MIB1: variants seen among roughly 807,000 people sequenced by gnomAD.
MIB1 encodes the protein E3 ubiquitin-protein ligase MIB1.
Under a neutral mutation model 124.5 loss-of-function variants are expected in MIB1, and 278 were observed. The observed-to-expected ratio is 2.23, with a 90% CI of 2.02 to 2.47. MIB1 has a LOEUF of 2.47. Ranked by LOEUF, MIB1 falls within the 30% of genes most tolerant of loss-of-function variation. The probability of loss-of-function intolerance (pLI) is 0.00; values close to 1 mark genes in which losing one functional copy is unlikely to be tolerated. For missense variants in MIB1, 957 were observed against 1,254.4 expected (o/e 0.76, Z 3.58); for synonymous variants, 446 against 429.4 (o/e 1.04, Z -0.48).
At chr18:21,716,574 G>T (rs1248812859) in intron 1 of MIB1, among the ~76,000 whole-genome samples, 1 of 152,190 alleles carries the variant, frequency 6.6e-6, no homozygotes, top group Admixed American at 6.5e-5. Context: ...CACTTAGGCT[G>T]GGCACGGTGG....
chr18:21,789,221 TC>T (rs1192275711), intron 6 of MIB1, among the ~76,000 whole-genome samples: 1 of 152,032 alleles, frequency 6.6e-6, no homozygotes, highest in Non-Finnish European at 1.5e-5. Context: ...CAATCTTTGT[TC>T]CTTGGCTTGT....
chr18:21,725,802 G>A (rs2040739289), intron 1 of MIB1, among the ~76,000 whole-genome samples: 1 of 151,982 alleles, frequency 6.6e-6, no homozygotes, highest in South Asian at 2.1e-4. Flanking sequence ...AAGGAAGGAA[G>A]GAAGGAAGGA....
At chr18:21,795,090 G>A (rs1001631947) in intron 7 of MIB1, among the ~76,000 whole-genome samples, 1 of 151,260 alleles carries the variant, frequency 6.6e-6, no homozygotes, top group Non-Finnish European at 1.5e-5. Context: ...GTAAATTTTA[G>A]TTGTAAAAAA....
intron 1 of MIB1, among the ~76,000 whole-genome samples, chr18:21,744,334 G>T (rs1226165038): frequency 2.0e-5 from 3 of 152,038 alleles, no homozygotes; most frequent in Non-Finnish European, 4.4e-5. Context: ...TGAAACAATT[G>T]TAGTCTTCCA....
chr18:21,863,320 G>A (rs2042292834), intron 20 of MIB1, among the ~76,000 whole-genome samples: 1 of 152,224 alleles, frequency 6.6e-6, no homozygotes, highest in African/African-American at 2.4e-5. Flanking sequence ...AGGGCAAAGG[G>A]CCAGTGTAAC....
chr18:21,715,137 A>G (rs2040683800), intron 1 of MIB1, among the ~76,000 whole-genome samples: 1 of 152,206 alleles, frequency 6.6e-6, no homozygotes, highest in African/African-American at 2.4e-5. Context: ...CACTCCAAAT[A>G]CTGTGCTGGT....
At chr18:21,842,091 CAAAAA>C (rs376834305) in intron 13 of MIB1, among the ~76,000 whole-genome samples, 3 of 35,684 alleles carry the variant, frequency 8.4e-5, no homozygotes, top group African/African-American at 3.5e-4. Context: ...GACCCTATCT[CAAAAA>C]AAAAAAAAAA....
intron 1 of MIB1, among the ~76,000 whole-genome samples, chr18:21,750,874 C>T (rs1051579431): frequency 2.6e-5 from 4 of 152,288 alleles, no homozygotes; most frequent in Middle Eastern, 3.4e-3. Context: ...CAACCATACT[C>T]CTGTAAATAT....
chr18:21,835,352 A>G (rs972776838), intron 12 of MIB1, among the ~76,000 whole-genome samples: 1 of 152,188 alleles, frequency 6.6e-6, no homozygotes, highest in Non-Finnish European at 1.5e-5. Flanking sequence ...TGAGTTTTAA[A>G]AAGGAGAAAC....
intron 10 of MIB1, 63 bp from the exon 11 acceptor site, chr18:21,815,553 T>C (rs2041821941): frequency 3.6e-6 from 5 of 1,401,234 alleles, no homozygotes; most frequent in Non-Finnish European, 4.9e-6. Flanking sequence ...TATATTATTA[T>C]AGCTTCAAGG....
At chr18:21,852,024 T>C (rs1318995147) in intron 17 of MIB1, among the ~76,000 whole-genome samples, 3 of 152,246 alleles carry the variant, frequency 2.0e-5, no homozygotes, top group African/African-American at 7.2e-5. Context: ...ATAATTATTA[T>C]GTATTAGGCA....
intron 9 of MIB1, among the ~76,000 whole-genome samples, chr18:21,801,818 A>G (rs369443127): frequency 6.6e-6 from 1 of 151,920 alleles, no homozygotes; most frequent in Non-Finnish European, 1.5e-5. Flanking sequence ...AGGCCTTCTG[A>G]TAATCTCCGT....
intron 12 of MIB1, chr18:21,828,153 T>C (rs1336153975): frequency 6.6e-6 from 1 of 151,980 alleles, no homozygotes; most frequent in African/African-American, 2.4e-5. Flanking sequence ...ATAAAAACAG[T>C]TCTTCGATCT....
At chr18:21,825,323 C>T (rs2146485361) in intron 12 of MIB1, among the ~76,000 whole-genome samples, 1 of 152,254 alleles carries the variant, frequency 6.6e-6, no homozygotes, top group Middle Eastern at 3.4e-3. Flanking sequence ...CCACACTGTA[C>T]AATCCCATTA....
chr18:21,815,883 A>G lies in MIB1; in HGVS notation c.1677+70A>G, dbSNP rs9951204. 4.4e-3 allele frequency: 5,883 copies of G among 1,338,742 alleles called. 125 individuals are homozygous for G. The African/African-American group carries it at 0.054, about 12-fold the overall frequency. 82.9% of individuals were successfully genotyped at this position (1,338,742 alleles called of 1,614,324 possible). A position where few individuals can be genotyped will look rare whatever the true frequency, so the allele number is the denominator to read the frequency against. On this transcript the variant is annotated intron_variant, in intron 11 of 20. Coordinates refer to ENST00000261537, the MANE Select transcript of MIB1 (RefSeq NM_020774.4). ...CTATTAAAGGGAAACATTAAGTTCT[A>G]TGGTAAGCATTCCTTTGTTACCGTT...
At chr18:21,776,803 G>GT (rs992016722) in intron 4 of MIB1, among the ~76,000 whole-genome samples, 1 of 152,024 alleles carries the variant, frequency 6.6e-6, no homozygotes, top group African/African-American at 2.4e-5. Context: ...GGCCAGCATG[G>GT]TGAAACCTCG....
At chr18:21,727,298 T>G (rs574754054) in intron 1 of MIB1, among the ~76,000 whole-genome samples, 1 of 152,170 alleles carries the variant, frequency 6.6e-6, no homozygotes, top group Non-Finnish European at 1.5e-5. Flanking sequence ...CACACCTGGC[T>G]AATTTTTGTG....
At chr18:21,755,812 G>C (rs886677257) in intron 1 of MIB1, among the ~76,000 whole-genome samples, 3 of 152,102 alleles carry the variant, frequency 2.0e-5, no homozygotes, top group East Asian at 3.9e-4. Context: ...TATTTGCTTG[G>C]GTTAGAATTC....
chr18:21,735,196 T>A (rs2040790784), intron 1 of MIB1, among the ~76,000 whole-genome samples: 1 of 152,172 alleles, frequency 6.6e-6, no homozygotes, highest in Non-Finnish European at 1.5e-5. Context: ...CTGGTTCATC[T>A]CACTGGGACT....
Sources: gnomAD v4.1 joint callset for allele counts (sites outside exome capture counted in the v4.1 genomes callset) on GRCh38, gnomAD v4.1.1 for gene constraint, MANE v1.5 for transcripts, NCBI Gene and HGNC (gene_info 2026-07-23, HGNC 2026-07-21) for gene names.